DOK5: variants seen among roughly 807,000 people sequenced by gnomAD.
DOK5 encodes the protein downstream of tyrosine kinase 5.
DOK5 carries 27 observed loss-of-function variants against 43.3 expected under a neutral mutation model. That is an observed-to-expected ratio of 0.62 (90% CI 0.46 to 0.86). The LOEUF (loss-of-function observed/expected upper bound fraction) is 0.86. Among genes scored for constraint, DOK5 ranks in the 40% least tolerant of loss-of-function variants. The pLI is 0.00. For missense variants in DOK5, 373 were observed against 392.9 expected (o/e 0.95, Z 0.43); for synonymous variants, 146 against 140.1 (o/e 1.04, Z -0.30).
At chr20:54,524,052 G>A (rs191067626) in intron 1 of DOK5, among the ~76,000 whole-genome samples, 1 of 151,512 alleles carries the variant, frequency 6.6e-6, no homozygotes, top group Non-Finnish European at 1.5e-5. Flanking sequence ...GTTAACAATG[G>A]TTCACTCTGT....
chr20:54,555,303 C>G (rs1984671769), intron 2 of DOK5: 1 of 348,980 alleles, frequency 2.9e-6, no homozygotes, highest in African/African-American at 2.1e-5. Context: ...TGTTGTTGTA[C>G]TCCCTACACT....
At chr20:54,536,302 T>A (rs755042381) in intron 1 of DOK5, among the ~76,000 whole-genome samples, 3 of 152,196 alleles carry the variant, frequency 2.0e-5, no homozygotes, top group Non-Finnish European at 4.4e-5. Flanking sequence ...ACTGCCATAA[T>A]CTTTGCTTTG....
chr20:54,564,729 G>A (rs922430756), intron 2 of DOK5, among the ~76,000 whole-genome samples: 13 of 152,192 alleles, frequency 8.5e-5, no homozygotes, highest in African/African-American at 2.4e-4. Context: ...AGTCACAAAC[G>A]TTGGATCAGA....
At chr20:54,577,125 T>C (rs565865797) in intron 2 of DOK5, among the ~76,000 whole-genome samples, 2 of 152,204 alleles carry the variant, frequency 1.3e-5, no homozygotes, top group Non-Finnish European at 2.9e-5. Context: ...TAGATTTGAG[T>C]ATGGCTCCAT....
At chr20:54,509,278 A>C (rs573288753) in intron 1 of DOK5, among the ~76,000 whole-genome samples, 1 of 152,332 alleles carries the variant, frequency 6.6e-6, no homozygotes, top group Admixed American at 6.5e-5. Flanking sequence ...GTAGCCTTAA[A>C]CTGCTGGGCT....
At chr20:54,531,166 G>T (rs569372376) in intron 1 of DOK5, among the ~76,000 whole-genome samples, 1 of 152,272 alleles carries the variant, frequency 6.6e-6, no homozygotes, top group South Asian at 2.1e-4. Flanking sequence ...GGTCCATCAT[G>T]AATGTCTGTG....
chr20:54,538,045 G>T (rs189984846), intron 1 of DOK5, among the ~76,000 whole-genome samples: 2 of 151,844 alleles, frequency 1.3e-5, no homozygotes, highest in African/African-American at 4.8e-5. Flanking sequence ...CACCATGTTG[G>T]TCAGGCTGGT....
intron 4 of DOK5, among the ~76,000 whole-genome samples, 163 bp downstream of exon 4, chr20:54,588,969 A>T (rs960019412): frequency 1.2e-4 from 18 of 152,114 alleles, no homozygotes; most frequent in Non-Finnish European, 2.1e-4. Context: ...ATTTCAGTGT[A>T]TTTTTTTCTT....
In DOK5 at chr20:54,650,534, C is replaced by G. The variant is rs1979648546; in HGVS notation, c.*55C>G. ...TGTGATGTGTCAGCCACAGATTCAC[C>G]CAGGAGGTCACAGAATGACAGCAAG... is the stretch of plus-strand genomic sequence containing the variant. On this transcript the variant is annotated 3_prime_UTR_variant, in exon 8 of 8. Coordinates refer to ENST00000262593, the MANE Select transcript of DOK5 (RefSeq NM_018431.5). 2 of 1,544,826 alleles carry G rather than the reference C, an allele frequency of 1.3e-6. No individual in the cohort carries two copies. Among genetic ancestry groups the G allele is most frequent in the Non-Finnish European group, 1.8e-6 (2 of 1,122,184 alleles).
chr20:54,644,714 A>AAACAAC lies in DOK5; in HGVS notation c.856+1138_856+1139insCAACAA, dbSNP rs1555839809. On this transcript the variant is annotated intron_variant, in intron 7 of 7. Coordinates refer to ENST00000262593, the MANE Select transcript of DOK5 (RefSeq NM_018431.5). Reference sequence around the variant, plus strand: ...GAGAGAGACTCCGTCTCAAAAAAAAAAAAAAAAAAACAAAATTTAGCTGGG... The same window carrying AAACAAC: ...GAGAGAGACTCCGTCTCAAAAAAAAAAACAACAAAAAAAAAACAAAATTTAGCTGGG... Among the ~76,000 whole-genome samples, 3 of 134,208 alleles carry AAACAAC rather than the reference A, an allele frequency of 2.2e-5. 1 individual carries two copies. Among genetic ancestry groups the AAACAAC allele is most frequent in the African/African-American group, 8.8e-5 (3 of 34,254 alleles). The allele number at this position is 134,208 out of a possible 152,430, so 88.0% of individuals were successfully genotyped here.
chr20:54,586,864 T>A (rs964888640), intron 2 of DOK5, among the ~76,000 whole-genome samples: 3 of 151,232 alleles, frequency 2.0e-5, no homozygotes, highest in Non-Finnish European at 2.9e-5. Flanking sequence ...GGGAAAGGTA[T>A]AGAGAGGACA....
chr20:54,610,440 G>A lies in DOK5; in HGVS notation c.652G>A (p.Ala218Thr). Residue 218 changes from alanine (A) to threonine (T), a missense_variant, in exon 6 of 8, where the codon GCC (alanine) becomes ACC (threonine). Transcript: ENST00000262593. The part of the protein sequence containing the change: ...LFIFQTRDGE[A>T]IYQKVHSAAL... ...TATCTTTCAGACCCGAGACGGGGAG[G>A]CCATCTATCAGAAAGTCCACTCTGC... The A allele has an allele frequency of 6.2e-7, 1 of 1,600,136 alleles. No individual in the cohort carries two copies. Among genetic ancestry groups the A allele is most frequent in the Non-Finnish European group, 8.5e-7 (1 of 1,173,282 alleles).
At chr20:54,641,792 T>A (rs1979130496) in intron 6 of DOK5, among the ~76,000 whole-genome samples, 1 of 152,206 alleles carries the variant, frequency 6.6e-6, no homozygotes, top group Non-Finnish European at 1.5e-5. Flanking sequence ...TTCATGTAAA[T>A]CTTCCATCTT....
chr20:54,519,957 G>T (rs1193809784), intron 1 of DOK5, among the ~76,000 whole-genome samples: 1 of 152,098 alleles, frequency 6.6e-6, no homozygotes, highest in Admixed American at 6.6e-5. Context: ...TTAATGTTTT[G>T]GTCTTCGACA....
intron 6 of DOK5, among the ~76,000 whole-genome samples, chr20:54,638,122 GAAA>G (rs35374729): frequency 1.5e-5 from 2 of 130,126 alleles, no homozygotes; most frequent in Non-Finnish European, 3.2e-5. Context: ...ACTCTGTCTC[GAAA>G]AAAAAAAAAA....
chr20:54,557,189 G>A (rs1256217385), intron 2 of DOK5, among the ~76,000 whole-genome samples: 4 of 152,142 alleles, frequency 2.6e-5, no homozygotes, highest in Non-Finnish European at 5.9e-5. Flanking sequence ...AACACCCTCA[G>A]CCAAGGTCTG....
intron 6 of DOK5, among the ~76,000 whole-genome samples, chr20:54,627,793 C>T (rs1415169483): frequency 2.6e-5 from 4 of 152,204 alleles, no homozygotes; most frequent in African/African-American, 7.2e-5. Flanking sequence ...GATAAGTACT[C>T]AGGCGATGCT....
At chr20:54,575,765 A>G (rs568404156) in intron 2 of DOK5, among the ~76,000 whole-genome samples, 6 of 152,346 alleles carry the variant, frequency 3.9e-5, no homozygotes, top group African/African-American at 9.6e-5. Context: ...TTGTACAGAT[A>G]AACTATATAA....
chr20:54,569,640 A>G (rs970769066), intron 2 of DOK5, among the ~76,000 whole-genome samples: 3 of 152,200 alleles, frequency 2.0e-5, no homozygotes, highest in African/African-American at 7.2e-5. Context: ...ATATAAAATC[A>G]TACACCCACT....
Sources: gnomAD v4.1 joint callset for allele counts (sites outside exome capture counted in the v4.1 genomes callset) on GRCh38, gnomAD v4.1.1 for gene constraint, MANE v1.5 for transcripts, NCBI Gene and HGNC (gene_info 2026-07-23, HGNC 2026-07-21) for gene names.